The following LTA4H variants were observed in gnomAD, a reference collection of about 807,000 sequenced individuals.
LTA4H encodes leukotriene A-4 hydrolase.
Under a neutral mutation model 89.8 loss-of-function variants are expected in LTA4H, and 59 were observed. The ratio of observed to expected loss-of-function variants is 0.66; its 90% confidence interval spans 0.53 to 0.82. The LOEUF is 0.82. Among genes scored for constraint, LTA4H ranks in the 40% least tolerant of loss-of-function variants. LTA4H has a pLI of 0.00. For missense variants in LTA4H, 617 were observed against 727.0 expected (o/e 0.85, Z 1.74); for synonymous variants, 227 against 253.1 (o/e 0.90, Z 0.98).
intron 1 of LTA4H, among the ~76,000 whole-genome samples, chr12:96,032,489 G>A (rs1312110783): frequency 6.6e-6 from 1 of 152,054 alleles, no homozygotes; most frequent in Non-Finnish European, 1.5e-5. Flanking sequence ...GACTATACTA[G>A]GAAGCTGAGA....
chr12:96,007,973 A>C (rs1808148406), intron 15 of LTA4H, among the ~76,000 whole-genome samples: 1 of 152,214 alleles, frequency 6.6e-6, no homozygotes, highest in Non-Finnish European at 1.5e-5. Flanking sequence ...CAGAAAACCA[A>C]ATACAGCATG....
intron 6 of LTA4H, among the ~76,000 whole-genome samples, chr12:96,019,686 G>A (rs1950428800): frequency 6.8e-6 from 1 of 146,746 alleles, no homozygotes; most frequent in South Asian, 2.1e-4. Context: ...CCACCTCCCA[G>A]GTTCACACCA....
At chr12:96,037,981 C>T (rs150718536), upstream of LTA4H, among the ~76,000 whole-genome samples, 1,280 of 152,260 alleles carry the variant, frequency 8.4e-3, 18 homozygotes, top group African/African-American at 0.029. Flanking sequence ...TGAGCCACCG[C>T]GCCCGGCCGA....
intron 1 of LTA4H, 114 bp downstream of exon 1, chr12:96,035,247 G>A: frequency 9.2e-7 from 1 of 1,085,822 alleles, no homozygotes; most frequent in Non-Finnish European, 1.3e-6. Flanking sequence ...CGGGGACGTG[G>A]GGCTAGGCAG....
chr12:96,025,018 A>C (rs1257304036), intron 3 of LTA4H, among the ~76,000 whole-genome samples: 2 of 152,218 alleles, frequency 1.3e-5, no homozygotes, highest in Non-Finnish European at 2.9e-5. Flanking sequence ...TTTAAAAATC[A>C]GATTTTCCAT....
chr12:96,035,956 A>G (rs1292137620), upstream of LTA4H, among the ~76,000 whole-genome samples: 2 of 152,306 alleles, frequency 1.3e-5, no homozygotes, highest in East Asian at 1.9e-4. Context: ...GTGTTTGCAT[A>G]TAGCGAGGGC....
upstream of LTA4H, among the ~76,000 whole-genome samples, chr12:96,037,141 G>T (rs935037773): frequency 6.6e-6 from 1 of 152,220 alleles, no homozygotes; most frequent in African/African-American, 2.4e-5. Context: ...TTAAGGGGAA[G>T]ATGCTAAATT....
intron 1 of LTA4H, among the ~76,000 whole-genome samples, chr12:96,042,521 A>T (rs1470889745): frequency 6.6e-6 from 1 of 152,124 alleles, no homozygotes; most frequent in Non-Finnish European, 1.5e-5. Context: ...TAATCACCCC[A>T]GCACCTGCAC....
At chr12:96,002,738 T>G (rs796740095) in intron 18 of LTA4H, among the ~76,000 whole-genome samples, 84 of 152,332 alleles carry the variant, frequency 5.5e-4, no homozygotes, top group African/African-American at 2.0e-3. Context: ...AGTATCTAAC[T>G]CTATTTGATC....
chr12:96,006,850 GT>G (rs1950211441), intron 15 of LTA4H, among the ~76,000 whole-genome samples: 1 of 151,986 alleles, frequency 6.6e-6, no homozygotes, highest in Admixed American at 6.6e-5. Flanking sequence ...CACATATTCT[GT>G]TTTCCCCACT....
intron 15 of LTA4H, 46 bp from the exon 16 acceptor site, chr12:96,006,455 T>A: frequency 9.2e-7 from 1 of 1,092,748 alleles, no homozygotes; most frequent in Non-Finnish European, 1.4e-6. Flanking sequence ...TACAATTTAA[T>A]AATACTTATT....
chr12:96,037,864 G>A (rs1454674829), upstream of LTA4H, among the ~76,000 whole-genome samples: 3 of 152,054 alleles, frequency 2.0e-5, no homozygotes, highest in South Asian at 6.2e-4. Context: ...TTTTGTGTGT[G>A]TATTTTTAGC....
intron 16 of LTA4H, 61 bp from the exon 17 acceptor site, chr12:96,003,981 G>T: frequency 2.0e-6 from 2 of 985,722 alleles, no homozygotes; most frequent in Non-Finnish European, 3.1e-6. Flanking sequence ...GAAGAAAGGA[G>T]CTGGAGAGAA....
At chr12:96,017,510 C>T (rs369120202) in intron 9 of LTA4H, 47 bp downstream of exon 9, 16 of 1,514,184 alleles carry the variant, frequency 1.1e-5, no homozygotes, top group Middle Eastern at 3.4e-4. Flanking sequence ...AATCAGTTGA[C>T]GTAATACTTC....
chr12:96,033,832 T>G (rs1950603431), intron 1 of LTA4H, among the ~76,000 whole-genome samples: 1 of 152,224 alleles, frequency 6.6e-6, no homozygotes, highest in South Asian at 2.1e-4. Context: ...TGCATTGAAA[T>G]AGGACTTCAG....
intron 12 of LTA4H, among the ~76,000 whole-genome samples, chr12:96,014,553 C>G (rs1313387614): frequency 6.6e-6 from 1 of 152,154 alleles, no homozygotes; most frequent in African/African-American, 2.4e-5. Flanking sequence ...TTGATGGACT[C>G]TCACTTGTTA....
At position 96,024,471 on chromosome 12, in the gene LTA4H, A is replaced by C. The variant is rs1950490305; in HGVS notation, c.480+8T>G. 1 of 1,558,182 alleles carries C rather than the reference A, an allele frequency of 6.4e-7. No individual in the cohort carries two copies. The highest frequency in any genetic ancestry group is 1.1e-5 in the South Asian group (1 of 89,568). On this transcript the variant is annotated splice_region_variant and intron_variant, in intron 4 of 18. Coordinates refer to ENST00000228740, the MANE Select transcript of LTA4H (RefSeq NM_000895.3). ...CATTTAATTGAGTTAATAATTCGTA[A>C]TATTTACCTCTGCAGTATAGGTTAA...
intron 14 of LTA4H, 56 bp from the exon 15 acceptor site, chr12:96,009,204 G>T: frequency 1.7e-6 from 2 of 1,200,462 alleles, no homozygotes; most frequent in Non-Finnish European, 2.5e-6. Context: ...CAGAAATGCA[G>T]TTTTAAAGCT....
chr12:96,015,811 C>A, intron 10 of LTA4H, 117 bp from the exon 11 acceptor site: 1 of 685,716 alleles, frequency 1.5e-6, no homozygotes, highest in Non-Finnish European at 2.5e-6. Flanking sequence ...GGCATGACCA[C>A]TACAGTCTAA....
Sources: allele counts gnomAD v4.1 joint callset (sites outside exome capture counted in the v4.1 genomes callset), GRCh38; gene constraint gnomAD v4.1.1; transcripts MANE v1.5; gene names NCBI Gene and HGNC (gene_info 2026-07-23, HGNC 2026-07-21).